The following PARD3 variants were observed in gnomAD, a reference collection of about 807,000 sequenced individuals.
PARD3 encodes par-3 family cell polarity regulator.
Under a neutral mutation model 155.4 loss-of-function variants are expected in PARD3, and 75 were observed. The ratio of observed to expected loss-of-function variants is 0.48; its 90% CI spans 0.40 to 0.58. The LOEUF (loss-of-function observed/expected upper bound fraction) is 0.58, where lower values mean the gene tolerates loss of function less well. PARD3 is among the 20% of genes least tolerant of loss of function. The probability of loss-of-function intolerance (pLI) is 0.00; values close to 1 mark genes in which losing one functional copy is unlikely to be tolerated. For missense variants in PARD3, 1,642 were observed against 1,721.7 expected (o/e 0.95, Z 0.82); for synonymous variants, 576 against 610.5 (o/e 0.94, Z 0.83).
chr10:34,431,387 A>G (rs2075889695), intron 5 of PARD3, among the ~76,000 whole-genome samples: 2 of 152,210 alleles, frequency 1.3e-5, no homozygotes, highest in South Asian at 4.1e-4. Context: ...AGCACAAAAT[A>G]TGCATGAGAT....
intron 2 of PARD3, among the ~76,000 whole-genome samples, chr10:34,658,778 C>T (rs924402838): frequency 1.3e-5 from 2 of 152,090 alleles, no homozygotes; most frequent in East Asian, 1.9e-4. Flanking sequence ...GACGTCTCCT[C>T]GAAAAGCAGA....
chr10:34,266,180 A>T (rs1026605039), intron 22 of PARD3, among the ~76,000 whole-genome samples: 4 of 152,174 alleles, frequency 2.6e-5, no homozygotes, highest in Non-Finnish European at 5.9e-5. Context: ...TAACATTATA[A>T]TCAAAACAAT....
intron 2 of PARD3, among the ~76,000 whole-genome samples, chr10:34,690,233 C>T (rs1227275239): frequency 1.3e-5 from 2 of 152,212 alleles, no homozygotes; most frequent in African/African-American, 4.8e-5. Context: ...TACGAGCCAG[C>T]ATGCCCGGAT....
intron 12 of PARD3, among the ~76,000 whole-genome samples, chr10:34,364,189 T>A (rs1348436706): frequency 6.6e-6 from 1 of 152,052 alleles, no homozygotes; most frequent in African/African-American, 2.4e-5. Context: ...AAAACAATCA[T>A]GGGAAGGGTA....
chr10:34,602,713 C>A (rs1226237255), intron 2 of PARD3, among the ~76,000 whole-genome samples: 1 of 152,124 alleles, frequency 6.6e-6, no homozygotes, highest in Non-Finnish European at 1.5e-5. Flanking sequence ...GTGTGAACAT[C>A]GGGCAGGATA....
chr10:34,636,116 A>G (rs901614485), intron 2 of PARD3, among the ~76,000 whole-genome samples: 1 of 152,122 alleles, frequency 6.6e-6, no homozygotes, highest in Admixed American at 6.5e-5. Context: ...GGAAGAAGGA[A>G]GAAGAAGAAG....
intron 20 of PARD3, among the ~76,000 whole-genome samples, chr10:34,314,520 C>G (rs1407377754): frequency 6.6e-6 from 1 of 152,204 alleles, no homozygotes; most frequent in Admixed American, 6.5e-5. Context: ...CCCAGGGGCA[C>G]TAGACAAGAT....
chr10:34,739,785 T>C (rs7075263), intron 1 of PARD3, among the ~76,000 whole-genome samples: 50,914 of 152,058 alleles, frequency 0.33, 8,916 homozygotes, highest in Non-Finnish European at 0.38. Context: ...GGATAGAAAA[T>C]GCCCCATGCA....
chr10:34,601,992 T>C (rs2089822461), intron 2 of PARD3, among the ~76,000 whole-genome samples: 1 of 152,202 alleles, frequency 6.6e-6, no homozygotes, highest in African/African-American at 2.4e-5. Context: ...TAATTACTTG[T>C]ATAGAGATTG....
rs575848017 is a variant in PARD3, at chr10:34,256,022, A to G, written c.3419+13635T>C. On this transcript the variant is annotated intron_variant, in intron 22 of 24. Transcript: ENST00000374788. ...AAATGTAAGCAAATCTGATTTCAAA[A>G]TTGGAATTAAAAACAACCTATAATA... 3.0e-4 allele frequency among the ~76,000 whole-genome samples: 46 copies of G among 152,352 alleles called. No homozygotes were observed. In the South Asian group the frequency reaches 6.0e-3, roughly 20 times the overall value.
At chr10:34,748,908 T>C (rs1202784891) in intron 1 of PARD3, among the ~76,000 whole-genome samples, 1 of 152,228 alleles carries the variant, frequency 6.6e-6, no homozygotes, top group Non-Finnish European at 1.5e-5. Context: ...CCCTCAGTTG[T>C]ACTCATCAAC....
intron 2 of PARD3, among the ~76,000 whole-genome samples, chr10:34,674,284 T>C (rs1234197765): frequency 6.6e-6 from 1 of 152,180 alleles, no homozygotes; most frequent in East Asian, 1.9e-4. Flanking sequence ...CACCTTTTTC[T>C]AGAAAGATCA....
At chr10:34,311,564 G>C (rs61840259) in intron 20 of PARD3, among the ~76,000 whole-genome samples, 1 of 152,122 alleles carries the variant, frequency 6.6e-6, no homozygotes, top group Non-Finnish European at 1.5e-5. Context: ...TCTGTGATTC[G>C]AACACTTGGC....
chr10:34,207,680 G>T (rs769904997), intron 22 of PARD3, among the ~76,000 whole-genome samples: 2 of 151,982 alleles, frequency 1.3e-5, no homozygotes, highest in Non-Finnish European at 2.9e-5. Flanking sequence ...CCCCAAAACC[G>T]CCCACTAATG....
chr10:34,773,795 T>C (rs1839197331), intron 1 of PARD3, among the ~76,000 whole-genome samples: 1 of 152,218 alleles, frequency 6.6e-6, no homozygotes, highest in Non-Finnish European at 1.5e-5. Context: ...CACTAGGCAC[T>C]TAATGTTCTT....
chr10:34,290,171 G>A (rs1005175379), intron 20 of PARD3, among the ~76,000 whole-genome samples: 8 of 152,154 alleles, frequency 5.3e-5, no homozygotes, highest in East Asian at 1.9e-4. Flanking sequence ...AGCATCCTGC[G>A]ATAAATAAAA....
intron 16 of PARD3, among the ~76,000 whole-genome samples, chr10:34,338,657 A>C (rs577904266): frequency 7.2e-5 from 11 of 152,354 alleles, no homozygotes; most frequent in African/African-American, 2.4e-4. Flanking sequence ...TTGGATGTAC[A>C]TCAGAAATTT....
rs754111105 is a variant in PARD3 at position 34,399,389 on chromosome 10, G to A, written c.831C>T (p.Val277=). Residue 277 remains valine, a synonymous_variant, in exon 7 of 25, where the codon GTC becomes GTT. Coordinates refer to ENST00000374788, the MANE Select transcript of PARD3 (RefSeq NM_001184785.2). ...SLDDMVKLVE[V]PNDGGPLGIH... ...TTCCCAGAGGCCCTCCATCGTTGGG[G>A]ACTTCTACGAGCTTTACCATATCAC... is the stretch of plus-strand genomic sequence containing the variant. 1.9e-6 allele frequency: 3 copies of A among 1,610,996 alleles called. No homozygotes were observed. Among genetic ancestry groups the A allele is most frequent in the Non-Finnish European group, 2.5e-6 (3 of 1,177,232 alleles).
chr10:34,401,676 G>A, intron 6 of PARD3, 150 bp downstream of exon 6: 2 of 667,474 alleles, frequency 3.0e-6, no homozygotes, highest in East Asian at 2.6e-5. Context: ...CTCAAGAGAT[G>A]AAAGATGTTC....
Sources: allele counts gnomAD v4.1 joint callset (sites outside exome capture counted in the v4.1 genomes callset), GRCh38; gene constraint gnomAD v4.1.1; transcripts MANE v1.5; gene names NCBI Gene and HGNC (gene_info 2026-07-23, HGNC 2026-07-21).